The following DIP2C variants were observed in gnomAD, a reference collection of about 807,000 sequenced individuals.
DIP2C encodes DIP2 acetate--CoA ligase C (putative), also known as disco-interacting protein 2 homolog C.
DIP2C carries 33 observed loss-of-function variants against 192.4 expected under a neutral mutation model. That is an observed-to-expected ratio of 0.17 (90% CI 0.13 to 0.23). The LOEUF (loss-of-function observed/expected upper bound fraction) is 0.23, where lower values mean the gene tolerates loss of function less well. Ranked by LOEUF, DIP2C falls within the 10% of genes least tolerant of loss-of-function variation. The pLI, the probability that DIP2C is intolerant of heterozygous loss-of-function variation, is 1.00. For synonymous variants in DIP2C, 979 were observed against 864.1 expected, an observed-to-expected ratio of 1.13 and a Z score of -2.33; for missense variants, 1,537 against 2,110.1, an observed-to-expected ratio of 0.73 and a Z score of 5.32.
intron 1 of DIP2C, among the ~76,000 whole-genome samples, chr10:598,058 G>A (rs1340906212): frequency 6.6e-6 from 1 of 152,228 alleles, no homozygotes; most frequent in Non-Finnish European, 1.5e-5. Context: ...AACCACCGCT[G>A]GACCTGCAGA....
At chr10:382,907 T>A in intron 16 of DIP2C, 146 bp from the exon 17 acceptor site, 1 of 509,958 alleles carries the variant, frequency 2.0e-6, no homozygotes, top group South Asian at 3.6e-5. Flanking sequence ...ATTTATTATT[T>A]ATGTTACACT....
chr10:620,046 C>T (rs2131831128), intron 1 of DIP2C, among the ~76,000 whole-genome samples: 1 of 152,290 alleles, frequency 6.6e-6, no homozygotes, highest in East Asian at 1.9e-4. Flanking sequence ...GTGTCGGCCC[C>T]CAAGAACATT....
intron 1 of DIP2C, among the ~76,000 whole-genome samples, chr10:684,931 G>A (rs1052387188): frequency 8.6e-5 from 13 of 151,614 alleles, no homozygotes; most frequent in Non-Finnish European, 1.9e-4. Flanking sequence ...TCAGGAGTTC[G>A]AGACCAGCCT....
intron 31 of DIP2C, among the ~76,000 whole-genome samples, chr10:317,413 G>A (rs1309399956): frequency 6.6e-6 from 1 of 152,254 alleles, no homozygotes; most frequent in East Asian, 1.9e-4. Flanking sequence ...CATGAGGCTG[G>A]CAGCCTGGAC....
intron 10 of DIP2C, among the ~76,000 whole-genome samples, chr10:394,419 T>C (rs1311735130): frequency 1.4e-5 from 2 of 146,518 alleles, no homozygotes; most frequent in Admixed American, 6.8e-5. Context: ...AGGAGGACAT[T>C]ACATCACACA....
intron 32 of DIP2C, among the ~76,000 whole-genome samples, chr10:296,596 C>T (rs552066733): frequency 4.6e-5 from 7 of 152,184 alleles, no homozygotes; most frequent in Admixed American, 2.0e-4. Context: ...CACGTATGTT[C>T]ATTGCGGCAC....
chr10:620,669 A>G (rs1476753471), intron 1 of DIP2C, among the ~76,000 whole-genome samples: 1 of 152,216 alleles, frequency 6.6e-6, no homozygotes, highest in African/African-American at 2.4e-5. Context: ...AAAAAATGAC[A>G]AAGTATCTGA....
chr10:557,694 G>GAGGGGA (rs1848956383), intron 1 of DIP2C, among the ~76,000 whole-genome samples: 1 of 49,942 alleles, frequency 2.0e-5, no homozygotes, highest in Non-Finnish European at 3.9e-5. Flanking sequence ...GGGGGTGGGG[G>GAGGGGA]TGGGGGCGGG....
chr10:277,634 C>T (rs1954582556), intron 36 of DIP2C, 57 bp from the exon 37 acceptor site: 2 of 1,587,398 alleles, frequency 1.3e-6, no homozygotes, highest in Non-Finnish European at 1.7e-6. Flanking sequence ...TATTTAATAG[C>T]CGTGGTTTCA....
chr10:657,549 C>G (rs111170460), intron 1 of DIP2C, among the ~76,000 whole-genome samples: 120 of 20,276 alleles, frequency 5.9e-3, no homozygotes, highest in Admixed American at 0.017. Context: ...CCCTGGACCT[C>G]ACACTGGACC....
At chr10:469,874 T>C (rs537065539) in intron 3 of DIP2C, among the ~76,000 whole-genome samples, 2 of 152,282 alleles carry the variant, frequency 1.3e-5, no homozygotes, top group Non-Finnish European at 2.9e-5. Context: ...TGTGTCACAC[T>C]CCCTCATCTT....
chr10:310,228 C>T (rs756654974), intron 31 of DIP2C, 136 bp from the exon 32 acceptor site: 18 of 750,726 alleles, frequency 2.4e-5, no homozygotes, highest in Non-Finnish European at 4.0e-5. Flanking sequence ...AGACCAGCAA[C>T]CTCTCAAGGC....
intron 2 of DIP2C, among the ~76,000 whole-genome samples, chr10:476,861 G>A (rs1189778013): frequency 6.6e-6 from 1 of 151,768 alleles, no homozygotes; most frequent in East Asian, 2.0e-4. Flanking sequence ...TTGGAGCAAG[G>A]AAAAGCTATC....
chr10:640,632 CG>C (rs1564294889), intron 1 of DIP2C, among the ~76,000 whole-genome samples: 1 of 150,290 alleles, frequency 6.7e-6, no homozygotes, highest in Non-Finnish European at 1.5e-5. Context: ...AAGCTGCGCG[CG>C]GGGATGAGGG....
At chr10:321,016 A>AGCAGAC (rs1956982463) in intron 31 of DIP2C, among the ~76,000 whole-genome samples, 1 of 151,574 alleles carries the variant, frequency 6.6e-6, no homozygotes, top group Non-Finnish European at 1.5e-5. Flanking sequence ...CGGGTTATGA[A>AGCAGAC]GCAGGAAAGA....
intron 1 of DIP2C, among the ~76,000 whole-genome samples, chr10:574,541 G>A (rs1294666309): frequency 1.4e-5 from 2 of 146,716 alleles, no homozygotes; most frequent in Admixed American, 1.4e-4. Flanking sequence ...TGATCGTGGT[G>A]GGGCACCCTG....
chr10:541,213 G>T (rs1374961963), intron 1 of DIP2C, among the ~76,000 whole-genome samples: 1 of 152,070 alleles, frequency 6.6e-6, no homozygotes, highest in Non-Finnish European at 1.5e-5. Context: ...TGGACCCTGA[G>T]TCCGGCCACC....
intron 1 of DIP2C, among the ~76,000 whole-genome samples, chr10:620,505 G>A (rs570367847): frequency 3.9e-5 from 6 of 152,314 alleles, no homozygotes; most frequent in South Asian, 2.1e-4. Flanking sequence ...CTATGGCACC[G>A]TCGTACTAAA....
chr10:532,854 A>G (rs1847498292), intron 1 of DIP2C, among the ~76,000 whole-genome samples: 1 of 152,042 alleles, frequency 6.6e-6, no homozygotes, highest in Non-Finnish European at 1.5e-5. Context: ...CAGAGGTGCT[A>G]TCACGGTTCA....
Sources: gnomAD v4.1 joint callset for allele counts (sites outside exome capture counted in the v4.1 genomes callset) on GRCh38, gnomAD v4.1.1 for gene constraint, MANE v1.5 for transcripts, NCBI Gene and HGNC (gene_info 2026-07-23, HGNC 2026-07-21) for gene names.